The following PRKN variants were observed in gnomAD, a reference collection of about 807,000 sequenced individuals.
PRKN encodes the protein parkin RBR E3 ubiquitin protein ligase, also known as E3 ubiquitin-protein ligase parkin.
PRKN carries 56 observed loss-of-function variants against 59.5 expected under a neutral mutation model. The observed-to-expected ratio is 0.94, with a 90% CI of 0.76 to 1.18. The LOEUF is 1.18. Ranked by LOEUF, PRKN falls within the 50% of genes most tolerant of loss-of-function variation. The probability of loss-of-function intolerance (pLI) is 0.00; values close to 1 mark genes in which losing one functional copy is unlikely to be tolerated. For missense variants in PRKN, 657 were observed against 596.4 expected (o/e 1.10, Z -1.06); for synonymous variants, 250 against 222.1 (o/e 1.13, Z -1.12).
intron 6 of PRKN, among the ~76,000 whole-genome samples, chr6:161,819,775 A>G (rs1791942397): frequency 6.6e-6 from 1 of 152,226 alleles, no homozygotes; most frequent in African/African-American, 2.4e-5. Flanking sequence ...TCTCAAAGAA[A>G]AAGTAGATAA....
chr6:161,825,959 C>T (rs182875559), intron 6 of PRKN, among the ~76,000 whole-genome samples: 32 of 152,278 alleles, frequency 2.1e-4, no homozygotes, highest in African/African-American at 6.7e-4. Context: ...CTCATGTTTC[C>T]TTGCCTTTAT....
intron 2 of PRKN, among the ~76,000 whole-genome samples, chr6:162,389,466 A>T (rs12526450): frequency 6.6e-6 from 1 of 152,090 alleles, no homozygotes; most frequent in Admixed American, 6.6e-5. Flanking sequence ...GAAATAAAAA[A>T]CCTTTGCATC....
chr6:162,159,066 C>T (rs1782648280), intron 4 of PRKN, among the ~76,000 whole-genome samples: 1 of 152,012 alleles, frequency 6.6e-6, no homozygotes, highest in African/African-American at 2.4e-5. Flanking sequence ...TATTGTCCTC[C>T]CACACTCACC....
intron 7 of PRKN, among the ~76,000 whole-genome samples, chr6:161,689,847 A>G (rs1785711656): frequency 6.6e-6 from 1 of 151,892 alleles, no homozygotes; most frequent in African/African-American, 2.4e-5. Context: ...AGTAGCTGGG[A>G]TTACATACAG....
chr6:161,935,823 T>C (rs1275073283), intron 6 of PRKN, among the ~76,000 whole-genome samples: 1 of 152,206 alleles, frequency 6.6e-6, no homozygotes, highest in African/African-American at 2.4e-5. Context: ...CCACATCGAT[T>C]CACAGGTGAA....
intron 1 of PRKN, among the ~76,000 whole-genome samples, chr6:162,716,772 G>GCACACACACACGCGCA (rs1178942030): frequency 1.5e-5 from 2 of 134,640 alleles, no homozygotes; most frequent in African/African-American, 6.5e-5. Flanking sequence ...GCGCGCGCAC[G>GCACACACACACGCGCA]CACACACACA....
At chr6:162,002,741 C>A (rs1015955464) in intron 5 of PRKN, among the ~76,000 whole-genome samples, 2 of 151,886 alleles carry the variant, frequency 1.3e-5, no homozygotes, top group Non-Finnish European at 2.9e-5. Flanking sequence ...TATTTTAGGT[C>A]TTTTTCTCTT....
chr6:161,535,222 A>C (rs1779368145), intron 9 of PRKN, among the ~76,000 whole-genome samples: 1 of 152,232 alleles, frequency 6.6e-6, no homozygotes, highest in African/African-American at 2.4e-5. Context: ...AACACCTTTT[A>C]ATAGAAGGGG....
chr6:162,302,105 C>G (rs1781987500), intron 2 of PRKN, among the ~76,000 whole-genome samples: 1 of 152,104 alleles, frequency 6.6e-6, no homozygotes, highest in Non-Finnish European at 1.5e-5. Flanking sequence ...AGCCGATAAG[C>G]AAGTCTTACT....
At chr6:161,539,065 C>T (rs759667116) in intron 9 of PRKN, among the ~76,000 whole-genome samples, 2 of 152,188 alleles carry the variant, frequency 1.3e-5, no homozygotes, top group Non-Finnish European at 2.9e-5. Flanking sequence ...GCCCTTACCC[C>T]CAAGGGGCAC....
intron 2 of PRKN, among the ~76,000 whole-genome samples, chr6:162,316,008 C>A (rs1161671627): frequency 6.6e-6 from 1 of 150,986 alleles, no homozygotes; most frequent in African/African-American, 2.4e-5. Flanking sequence ...AGAGGGCACA[C>A]CAGACAGCAG....
At chr6:161,869,444 T>G (rs2128226331) in intron 6 of PRKN, among the ~76,000 whole-genome samples, 1 of 152,270 alleles carries the variant, frequency 6.6e-6, no homozygotes, top group East Asian at 1.9e-4. Context: ...ATACACATGC[T>G]TTTAAGAGCC....
chr6:161,580,315 C>T (rs1781285898), intron 7 of PRKN, among the ~76,000 whole-genome samples: 1 of 152,190 alleles, frequency 6.6e-6, no homozygotes, highest in South Asian at 2.1e-4. Context: ...TGCAGCATCA[C>T]AAGTGTTCAA....
chr6:161,706,955 A>T (rs116865032), intron 7 of PRKN, among the ~76,000 whole-genome samples: 3,040 of 152,314 alleles, frequency 0.02, 54 homozygotes, highest in Middle Eastern at 0.041. Context: ...AAGGCAAGAA[A>T]ACTGTATTTT....
chr6:162,529,268 T>TACC (rs10654807), intron 1 of PRKN, among the ~76,000 whole-genome samples: 53,111 of 151,884 alleles, frequency 0.35, 11,074 homozygotes, highest in Middle Eastern at 0.51. Flanking sequence ...TGTATAAAAA[T>TACC]ACTTCATTCA....
intron 1 of PRKN, among the ~76,000 whole-genome samples, chr6:162,724,601 A>C (rs1584122175): frequency 6.6e-6 from 1 of 152,234 alleles, no homozygotes; most frequent in South Asian, 2.1e-4. Flanking sequence ...AAAATTAAAA[A>C]GAAAGAGAAA....
chr6:161,670,438 G>A lies in PRKN; in HGVS notation c.872-101022C>T, dbSNP rs1784866868. Among the ~76,000 whole-genome samples the A allele has an allele frequency of 2.6e-5, 4 of 152,274 alleles. No individual in the cohort carries two copies. The South Asian group carries it at 8.3e-4, about 32-fold the overall frequency. On this transcript the variant is annotated intron_variant, in intron 7 of 11. Transcript: ENST00000366898. Reference sequence around the variant, plus strand: ...CCAACAACCCTTGGCATTCCTTGGTGTGTGGACTCATCATTCCGATCTCTG... The same window carrying A: ...CCAACAACCCTTGGCATTCCTTGGTATGTGGACTCATCATTCCGATCTCTG...
intron 7 of PRKN, among the ~76,000 whole-genome samples, chr6:161,637,967 C>G (rs894028067): frequency 6.6e-6 from 1 of 152,152 alleles, no homozygotes; most frequent in Non-Finnish European, 1.5e-5. Context: ...GCTTTCCATA[C>G]AGTCTTAAAC....
chr6:162,099,065 T>C (rs1779861228), intron 4 of PRKN, among the ~76,000 whole-genome samples: 1 of 152,186 alleles, frequency 6.6e-6, no homozygotes, highest in South Asian at 2.1e-4. Context: ...TAACAGTACA[T>C]ATACATACTT....
Sources: gnomAD v4.1 joint callset for allele counts (sites outside exome capture counted in the v4.1 genomes callset) on GRCh38, gnomAD v4.1.1 for gene constraint, MANE v1.5 for transcripts, NCBI Gene and HGNC (gene_info 2026-07-23, HGNC 2026-07-21) for gene names.